CAPN2: variants seen among roughly 807,000 people sequenced by gnomAD.
CAPN2 encodes the protein calpain 2.
CAPN2 carries 92 observed loss-of-function variants against 102.3 expected under a neutral mutation model. The observed-to-expected ratio is 0.90, with a 90% confidence interval of 0.76 to 1.07. The LOEUF is 1.07. Ranked by LOEUF, CAPN2 falls within the 50% of genes least tolerant of loss-of-function variation. CAPN2 has a pLI of 0.00. For missense variants in CAPN2, 800 were observed against 909.4 expected, an observed-to-expected ratio of 0.88 and a Z score of 1.55; for synonymous variants, 340 against 355.4, an observed-to-expected ratio of 0.96 and a Z score of 0.49.
chr1:223,728,757 A>G (rs1660260657), intron 2 of CAPN2, among the ~76,000 whole-genome samples: 2 of 152,168 alleles, frequency 1.3e-5, no homozygotes. Flanking sequence ...TTCCCAAGGT[A>G]CACAGTAGTG....
upstream of CAPN2, chr1:223,712,407 C>G (rs925235141): frequency 1.1e-4 from 119 of 1,061,258 alleles, no homozygotes; most frequent in African/African-American, 1.8e-3. Context: ...GCGGCGTTCC[C>G]GGCGCTCGGC....
In CAPN2 at chr1:223,756,894, G is replaced by A. The variant is rs115782525; in HGVS notation, c.1306-475G>A. 7.3e-3 allele frequency among the ~76,000 whole-genome samples: 1,119 copies of A among 152,304 alleles called. 11 individuals are homozygous for A. The highest frequency in any genetic ancestry group is 0.027 in the Middle Eastern group (8 of 294). Reference sequence around the variant, plus strand: ...CTTTCAGAGTTGGGACGGACCTTGGGGATCACTGGGTCCTATTTTTGAGAC... The same window carrying A: ...CTTTCAGAGTTGGGACGGACCTTGGAGATCACTGGGTCCTATTTTTGAGAC... On this transcript the variant is annotated intron_variant, in intron 10 of 20. Coordinates refer to ENST00000295006, the MANE Select transcript of CAPN2 (RefSeq NM_001748.5). The surrounding 1 kb of genome is among the most constrained non-coding windows in gnomAD (Gnocchi z 4.1).
At chr1:223,724,099 C>T (rs992382193) in intron 2 of CAPN2, among the ~76,000 whole-genome samples, 3 of 152,098 alleles carry the variant, frequency 2.0e-5, no homozygotes, top group Middle Eastern at 3.2e-3. Context: ...TCCTGATGCC[C>T]CACTACTTCT....
At chr1:223,712,964 G>T (rs1300963451) in intron 1 of CAPN2, 87 bp downstream of exon 1, 8 of 1,001,474 alleles carry the variant, frequency 8.0e-6, no homozygotes, top group Admixed American at 9.0e-5. Flanking sequence ...GGGGCGGGGG[G>T]CAGCCCGGGT....
intron 1 of CAPN2, among the ~76,000 whole-genome samples, chr1:223,704,378 C>G (rs746779803): frequency 6.6e-6 from 1 of 152,202 alleles, no homozygotes; most frequent in African/African-American, 2.4e-5. Flanking sequence ...AAGTGTGAAA[C>G]GCCTCAGTCG....
chr1:223,764,851 G>A (rs1027662619), intron 15 of CAPN2, among the ~76,000 whole-genome samples: 11 of 152,202 alleles, frequency 7.2e-5, no homozygotes, highest in African/African-American at 2.7e-4. Flanking sequence ...GCCTCCCAAA[G>A]TGCTGGGATT....
chr1:223,704,155 G>A (rs927999513), intron 1 of CAPN2, among the ~76,000 whole-genome samples: 2 of 152,076 alleles, frequency 1.3e-5, no homozygotes, highest in African/African-American at 4.8e-5. Flanking sequence ...GCAGGGCATG[G>A]TGGCGCATGC....
chr1:223,757,385 G>T lies in CAPN2; in HGVS notation c.1317+5G>T, dbSNP rs532758362. On this transcript the variant is annotated splice_donor_5th_base_variant and intron_variant, in intron 11 of 20. Coordinates refer to ENST00000295006, the MANE Select transcript of CAPN2 (RefSeq NM_001748.5). ...ATTTTGCAGGTTCCAGAGGAGGTAC[G>T]TCTGGCCCATGTCCCGGGGTGCTCA... 1 of 1,613,998 alleles carries T rather than the reference G, an allele frequency of 6.2e-7. No homozygotes were observed.
chr1:223,712,955 G>T, intron 1 of CAPN2, 78 bp downstream of exon 1: 3 of 1,076,918 alleles, frequency 2.8e-6, no homozygotes, highest in Non-Finnish European at 3.6e-6. Flanking sequence ...CGGCGCGCTG[G>T]GGCGGGGGGC....
intron 18 of CAPN2, chr1:223,770,831 G>C (rs1314829716): frequency 1.3e-5 from 3 of 231,222 alleles, no homozygotes; most frequent in African/African-American, 6.9e-5. Context: ...TGCAGGGTTG[G>C]TTAGGCAGAA....
At position 223,712,724 on chromosome 1, in the gene CAPN2, C is replaced by A. The variant is rs1275719606; in HGVS notation, c.84C>A (p.Leu28=). The A allele has an allele frequency of 6.3e-7, 1 of 1,587,106 alleles. No homozygotes were observed. Among genetic ancestry groups the A allele is most frequent in the East Asian group, 2.4e-5 (1 of 42,292 alleles). The change falls in exon 1 of 21, where the codon CTC becomes CTA. Residue 28 remains leucine (L), a synonymous_variant. Transcript: ENST00000295006. ...CCCACGACAGGGCCATCAAGTACCT[C>A]AACCAGGACTACGAGGCGCTGCGGA... ...LGSHDRAIKY[L]NQDYEALRNE...
chr1:223,711,054 A>G (rs567886781), upstream of CAPN2, among the ~76,000 whole-genome samples: 11 of 152,334 alleles, frequency 7.2e-5, no homozygotes, highest in Non-Finnish European at 1.6e-4. Context: ...TGGGTTCACA[A>G]GAGCTATCTT....
rs1660326662 is a variant in CAPN2 at position 223,731,221 on chromosome 1, G to A, written c.308-12879G>A. Among the ~76,000 whole-genome samples, 1 of 152,154 alleles carries A rather than the reference G, an allele frequency of 6.6e-6. No individual in the cohort carries two copies. Among genetic ancestry groups the A allele is most frequent in the East Asian group, 1.9e-4 (1 of 5,198 alleles). On this transcript the variant is annotated intron_variant, in intron 2 of 20. Coordinates refer to ENST00000295006, the MANE Select transcript of CAPN2 (RefSeq NM_001748.5). The surrounding 1 kb of genome is among the most constrained non-coding windows in gnomAD (Gnocchi z 4.2). Reference sequence around the variant, plus strand: ...AGGCAAATATTTTATTATGCTTGGAGGGTCTGGTGCAGAAGGGGAAAGGAA... The same window carrying A: ...AGGCAAATATTTTATTATGCTTGGAAGGTCTGGTGCAGAAGGGGAAAGGAA...
intron 14 of CAPN2, among the ~76,000 whole-genome samples, chr1:223,762,555 T>C (rs765131053): frequency 6.6e-6 from 1 of 152,210 alleles, no homozygotes; most frequent in Non-Finnish European, 1.5e-5. Context: ...AATTGAGGCA[T>C]GAAACTTGGC....
At chr1:223,706,228 T>C (rs1659601909) in intron 1 of CAPN2, among the ~76,000 whole-genome samples, 1 of 152,190 alleles carries the variant, frequency 6.6e-6, no homozygotes, top group African/African-American at 2.4e-5. Context: ...GTCCCATCTT[T>C]TGCAACACCA....
intron 1 of CAPN2, among the ~76,000 whole-genome samples, chr1:223,716,745 G>C (rs1224098427): frequency 2.0e-5 from 3 of 151,976 alleles, no homozygotes; most frequent in Admixed American, 2.0e-4. Context: ...AACTTCCTCT[G>C]TGGCTTTTGG....
At chr1:223,724,453 A>G (rs1660138476) in intron 2 of CAPN2, among the ~76,000 whole-genome samples, 1 of 152,202 alleles carries the variant, frequency 6.6e-6, no homozygotes, top group African/African-American at 2.4e-5. Flanking sequence ...CACTGCTCCA[A>G]ACAGCAGCAC....
Position 223,774,877 on chromosome 1 carries a change from G to A in CAPN2, c.*20G>A. ...CTTTGAAGTTATAACTAATCTGCCT[G>A]AAGACTTCTCATGATGGAAAATCAG... On this transcript the variant is annotated 3_prime_UTR_variant, in exon 21 of 21. Coordinates refer to ENST00000295006, the MANE Select transcript of CAPN2 (RefSeq NM_001748.5). 1 of 1,607,662 alleles carries A rather than the reference G, an allele frequency of 6.2e-7. No individual in the cohort carries two copies. Among genetic ancestry groups the A allele is most frequent in the Non-Finnish European group, 8.5e-7 (1 of 1,174,988 alleles).
intron 2 of CAPN2, 64 bp downstream of exon 2, chr1:223,717,895 A>AGGGACAACCTGTG: frequency 8.1e-7 from 1 of 1,236,308 alleles, no homozygotes; most frequent in Non-Finnish European, 1.2e-6. Context: ...GGAAGAGATG[A>AGGGACAACCTGTG]GGGACAACCT....
Sources: gnomAD v4.1 joint callset for allele counts (sites outside exome capture counted in the v4.1 genomes callset) on GRCh38, gnomAD v4.1.1 for gene constraint, Gnocchi (gnomAD v3.1) non-coding constraint, MANE v1.5 for transcripts, NCBI Gene and HGNC (gene_info 2026-07-23, HGNC 2026-07-21) for gene names.